L3MBTL1: variants seen among roughly 807,000 people sequenced by gnomAD.
L3MBTL1 encodes the protein lethal(3)malignant brain tumor-like protein 1.
A neutral mutation model predicts 105.3 loss-of-function variants in L3MBTL1; 75 were observed. The observed-to-expected ratio is 0.71, with a 90% confidence interval of 0.59 to 0.86. The LOEUF is 0.86. Ranked by LOEUF, L3MBTL1 falls within the 40% of genes least tolerant of loss-of-function variation. The pLI is 0.00. For missense variants in L3MBTL1, 1,069 were observed against 1,126.4 expected (o/e 0.95, Z 0.73); for synonymous variants, 452 against 436.2 (o/e 1.04, Z -0.45).
At position 43,536,431 on chromosome 20, in the gene L3MBTL1, C is replaced by A; in HGVS notation, c.2146C>A (p.Arg716=). The change falls in exon 19 of 22, where the codon CGA becomes AGA. Residue 716 remains arginine (R), a synonymous_variant. Transcript: ENST00000418998. ...HGRIGRPPKY[R]KIPQEDFQTL... ...CAGAATTGGACGCCCTCCGAAGTAT[C>A]GAAAGATTCCGCAGGAAGATTTCCA... The A allele has an allele frequency of 6.2e-7, 1 of 1,614,000 alleles. No homozygotes were observed. Among genetic ancestry groups the A allele is most frequent in the Non-Finnish European group, 8.5e-7 (1 of 1,180,022 alleles).
chr20:43,514,308 G>A, intron 3 of L3MBTL1: 1 of 911,824 alleles, frequency 1.1e-6, no homozygotes, highest in South Asian at 1.8e-5. Flanking sequence ...GTCTGGGGGC[G>A]TGGCTTAGAC....
intron 3 of L3MBTL1, chr20:43,514,434 G>C (rs1037629386): frequency 6.8e-7 from 1 of 1,477,574 alleles, no homozygotes; most frequent in Non-Finnish European, 9.0e-7. Flanking sequence ...CCCTGGGACT[G>C]GACCCCGCAG....
chr20:43,541,919 G>T, downstream of L3MBTL1: 2 of 985,356 alleles, frequency 2.0e-6, no homozygotes, highest in Non-Finnish European at 2.4e-6. Context: ...CTTAAGTAAA[G>T]AACTTTGTCG....
rs1000375826 is a variant in L3MBTL1, at chr20:43,515,479, C to T, written c.777+64C>T. 7.6e-5 allele frequency: 115 copies of T among 1,515,948 alleles called. No homozygotes were observed. In the African/African-American group the frequency reaches 1.2e-3, roughly 16 times the overall value. The allele number at this position is 1,515,948 out of a possible 1,614,324, so 93.9% of individuals were successfully genotyped here. A position where few individuals can be genotyped will look rare whatever the true frequency, so the allele number is the denominator to read the frequency against. ...AGCCTATGCCTCAATTCCCACTGTCCCCTCCATCAATCCAGATTATGGAGC... is the reference window on the plus strand; with the variant it reads ...AGCCTATGCCTCAATTCCCACTGTCTCCTCCATCAATCCAGATTATGGAGC... On this transcript the variant is annotated intron_variant, in intron 6 of 21. Coordinates refer to ENST00000418998, the MANE Select transcript of L3MBTL1 (RefSeq NM_001377303.1).
At position 43,522,702 on chromosome 20, in the gene L3MBTL1, T is replaced by C. The variant is rs56961635; in HGVS notation, c.863-5955T>C. ...GCCCAGGCTAGTCTCAAACTCATGATCTCAAGCTGTCCGTCCGCCTTGGCC... is the reference window on the plus strand; with the variant it reads ...GCCCAGGCTAGTCTCAAACTCATGACCTCAAGCTGTCCGTCCGCCTTGGCC... On this transcript the variant is annotated intron_variant, in intron 7 of 21. Transcript: ENST00000418998. 3.5e-4 allele frequency among the ~76,000 whole-genome samples: 53 copies of C among 151,180 alleles called. No individual in the cohort carries two copies. In the South Asian group the frequency reaches 0.011, roughly 32 times the overall value.
chr20:43,523,888 G>A (rs897538454), intron 7 of L3MBTL1, among the ~76,000 whole-genome samples: 15 of 151,674 alleles, frequency 9.9e-5, no homozygotes, highest in South Asian at 6.3e-4. Context: ...CCAGCTACTC[G>A]GGAGGCTGAG....
Position 43,514,767 on chromosome 20 carries a change from C to T in L3MBTL1, c.493C>T (p.Gln165Ter). 6.4e-7 allele frequency: 1 copy of T among 1,551,370 alleles called. No homozygotes were observed. Among genetic ancestry groups the T allele is most frequent in the Middle Eastern group, 1.8e-4 (1 of 5,656 alleles). Residue 165 changes from glutamine (Q) to a stop codon, truncating the protein, a stop_gained, in exon 4 of 22, where the codon CAA becomes TAA. Transcript: ENST00000418998. LOFTEE classifies it high-confidence loss of function. ...APAGDGEAGP[Q>*]QAEDHPQNPP... is the part of the protein sequence containing the mutation. ...GGCGGGAGATGGCGAGGCGGGCCCC[C>T]AACAGGCGGGTAGGAGCCCCGCTCC...
At chr20:43,518,697 G>A (rs766389050) in intron 7 of L3MBTL1, among the ~76,000 whole-genome samples, 101 of 151,630 alleles carry the variant, frequency 6.7e-4, no homozygotes, top group Non-Finnish European at 1.3e-3. Context: ...CCATACCTAC[G>A]ATAAAGGTAT....
intron 7 of L3MBTL1, among the ~76,000 whole-genome samples, chr20:43,527,276 C>G (rs561782442): frequency 6.6e-6 from 1 of 152,282 alleles, no homozygotes; most frequent in African/African-American, 2.4e-5. Flanking sequence ...GAAGCTGGAG[C>G]TATTTACCTA....
chr20:43,521,314 G>A (rs1157468277), intron 7 of L3MBTL1, among the ~76,000 whole-genome samples: 1 of 152,176 alleles, frequency 6.6e-6, no homozygotes, highest in East Asian at 1.9e-4. Context: ...AGACATTGTA[G>A]TGAAAGGTCT....
intron 8 of L3MBTL1, 112 bp from the exon 9 acceptor site, chr20:43,529,152 C>T (rs1272400789): frequency 1.4e-6 from 1 of 725,482 alleles, no homozygotes; most frequent in East Asian, 2.7e-5. Flanking sequence ...TAAGTTGCCC[C>T]TTTGGAAATA....
intron 7 of L3MBTL1, among the ~76,000 whole-genome samples, chr20:43,522,456 AGTTTTTTTTTTT>A (rs1163081540): frequency 5.6e-5 from 5 of 89,946 alleles, no homozygotes; most frequent in African/African-American, 1.5e-4. Flanking sequence ...TTCCCTGCTA[AGTTTTTTTTTTT>A]TTTTTTTTTT....
At chr20:43,542,809 T>G (rs2019965911), downstream of L3MBTL1, among the ~76,000 whole-genome samples, 1 of 152,204 alleles carries the variant, frequency 6.6e-6, no homozygotes, top group Non-Finnish European at 1.5e-5. Flanking sequence ...TAGGTCTGTC[T>G]CTGCACAGTG....
downstream of L3MBTL1, among the ~76,000 whole-genome samples, chr20:43,546,066 A>G (rs1293186797): frequency 1.3e-5 from 2 of 152,216 alleles, no homozygotes; most frequent in African/African-American, 2.4e-5. Flanking sequence ...AATACATACA[A>G]TTCAGGGGAG....
At chr20:43,541,929 G>A (rs529099583), downstream of L3MBTL1, 13 of 984,866 alleles carry the variant, frequency 1.3e-5, no homozygotes, top group South Asian at 1.9e-4. Flanking sequence ...GAACTTTGTC[G>A]GCCGGGCACA....
At position 43,541,695 on chromosome 20, in the gene L3MBTL1, T is replaced by C; in HGVS notation, c.*567T>C. Reference sequence around the variant, plus strand: ...TATCAAGGGCCATGTATCAGGTTTCTGTATATGTTCCACTATAATCTTATG... The same window carrying C: ...TATCAAGGGCCATGTATCAGGTTTCCGTATATGTTCCACTATAATCTTATG... On this transcript the variant is annotated 3_prime_UTR_variant, in exon 22 of 22. Transcript: ENST00000418998. The C allele has an allele frequency of 4.1e-6, 2 of 485,296 alleles. No homozygotes were observed. Among genetic ancestry groups the C allele is most frequent in the Non-Finnish European group, 5.4e-6 (2 of 371,186 alleles). 30.1% of individuals were successfully genotyped at this position (485,296 alleles called of 1,614,324 possible). A position where few individuals can be genotyped will look rare whatever the true frequency, so the allele number is the denominator to read the frequency against.
intron 12 of L3MBTL1, 24 bp downstream of exon 12, chr20:43,532,948 C>T (rs779180602): frequency 3.1e-6 from 5 of 1,613,782 alleles, no homozygotes; most frequent in Non-Finnish European, 4.2e-6. Flanking sequence ...CCAGACTTGG[C>T]CTCAGGGGGT....
rs547057070 is a variant in L3MBTL1 at position 43,535,910 on chromosome 20, G to A, written c.1899G>A (p.Arg633=). 6.2e-7 allele frequency: 1 copy of A among 1,613,460 alleles called. No homozygotes were observed. The highest frequency in any genetic ancestry group is 1.1e-5 in the South Asian group (1 of 90,946). Residue 633 remains arginine (R), a synonymous_variant, in exon 17 of 22, where the codon AGG becomes AGA. Coordinates refer to ENST00000418998, the MANE Select transcript of L3MBTL1 (RefSeq NM_001377303.1). ...GCTATAGGAGCCTGCCCCACACTAG[G>A]ACCTCCAAATACAGCTTTCACCACC... ...PLSYRSLPHT[R]TSKYSFHHRK...
intron 7 of L3MBTL1, among the ~76,000 whole-genome samples, chr20:43,524,007 AAAAG>A (rs1440859619): frequency 1.3e-5 from 2 of 151,778 alleles, no homozygotes; most frequent in African/African-American, 2.4e-5. Context: ...AAAAAAAAAA[AAAAG>A]AAACAGGATG....
Sources: allele counts gnomAD v4.1 joint callset (sites outside exome capture counted in the v4.1 genomes callset), GRCh38; gene constraint gnomAD v4.1.1; transcripts MANE v1.5; gene names NCBI Gene and HGNC (gene_info 2026-07-23, HGNC 2026-07-21).